The following CLSTN2 variants were observed in gnomAD, a reference collection of about 807,000 sequenced individuals.
CLSTN2 encodes calsyntenin 2.
In CLSTN2, 48 loss-of-function variants were observed where a neutral mutation model predicts 101.2. That is an observed-to-expected ratio of 0.47 (90% CI 0.38 to 0.60). The LOEUF is 0.60. CLSTN2 is among the 20% of genes least tolerant of loss of function. The pLI is 0.00. For synonymous variants in CLSTN2, 481 were observed against 463.6 expected (o/e 1.04, Z -0.48); for missense variants, 1,160 against 1,238.2 (o/e 0.94, Z 0.95).
chr3:140,518,060 A>G (rs568756093), intron 8 of CLSTN2, among the ~76,000 whole-genome samples: 3 of 152,212 alleles, frequency 2.0e-5, no homozygotes, highest in Admixed American at 1.3e-4. Flanking sequence ...TGTGTCACGC[A>G]GGTCACCAGA....
At chr3:140,114,101 C>G (rs571347793) in intron 1 of CLSTN2, among the ~76,000 whole-genome samples, 2 of 152,136 alleles carry the variant, frequency 1.3e-5, no homozygotes, top group African/African-American at 4.8e-5. Flanking sequence ...GCTCAGATTC[C>G]TTGCCTTGCC....
At chr3:140,490,058 G>A (rs1190900739) in intron 8 of CLSTN2, among the ~76,000 whole-genome samples, 1 of 210 alleles carries the variant, frequency 4.8e-3, no homozygotes, top group Admixed American at 0.042. Context: ...GTGTGTGTGT[G>A]TGTGTGTGTG....
At chr3:140,399,516 G>C (rs1268725257) in intron 2 of CLSTN2, among the ~76,000 whole-genome samples, 2 of 152,102 alleles carry the variant, frequency 1.3e-5, no homozygotes, top group African/African-American at 4.8e-5. Flanking sequence ...TTATTAGCTT[G>C]AATTTTACCT....
At chr3:140,298,115 A>AAAAT (rs2087021169) in intron 2 of CLSTN2, among the ~76,000 whole-genome samples, 1 of 152,226 alleles carries the variant, frequency 6.6e-6, no homozygotes, top group Non-Finnish European at 1.5e-5. Flanking sequence ...GGGATATTGT[A>AAAAT]AAATAAAAAA....
At chr3:140,272,792 T>C (rs2086755155) in intron 2 of CLSTN2, among the ~76,000 whole-genome samples, 1 of 152,140 alleles carries the variant, frequency 6.6e-6, no homozygotes, top group African/African-American at 2.4e-5. Context: ...CTATTTAAAC[T>C]TTAATATTCA....
At chr3:140,232,748 A>C (rs1386211465) in intron 2 of CLSTN2, among the ~76,000 whole-genome samples, 2 of 152,164 alleles carry the variant, frequency 1.3e-5, no homozygotes, top group Non-Finnish European at 2.9e-5. Flanking sequence ...ATATCCACCC[A>C]GTTACTCAGC....
chr3:140,178,464 C>A (rs2010357808), intron 2 of CLSTN2, among the ~76,000 whole-genome samples: 1 of 152,210 alleles, frequency 6.6e-6, no homozygotes, highest in East Asian at 1.9e-4. Context: ...ACCATAGTTT[C>A]CTTCTAAGCC....
Position 140,404,670 on chromosome 3 carries a change from G to C in CLSTN2, c.541G>C (p.Val181Leu), listed in dbSNP as rs972056662. ...CAAGATCTATGACAGCATTCTGCAG[G>C]TGGAGGCCATTGACGAGGACTGCTC... Reference protein sequence around the residue: ...EGKIYDSILQVEAIDEDCSPQ... With the variant: ...EGKIYDSILQLEAIDEDCSPQ... The change falls in exon 4 of 17, where the codon GTG becomes CTG. Residue 181 changes from valine (V) to leucine (L), a missense_variant. Transcript: ENST00000458420. 1.9e-6 allele frequency: 3 copies of C among 1,614,208 alleles called. No individual in the cohort carries two copies. The highest frequency in any genetic ancestry group is 2.5e-6 in the Non-Finnish European group (3 of 1,180,016).
At chr3:140,252,204 G>A (rs538631746) in intron 2 of CLSTN2, among the ~76,000 whole-genome samples, 20 of 152,290 alleles carry the variant, frequency 1.3e-4, no homozygotes, top group African/African-American at 4.6e-4. Context: ...AAAGTAAGGG[G>A]AGCAGTGAAG....
intron 2 of CLSTN2, among the ~76,000 whole-genome samples, chr3:140,378,700 C>A (rs4642081): frequency 0.48 from 72,944 of 151,994 alleles, 18,205 homozygotes; most frequent in East Asian, 0.89. Context: ...TCAGAAAGAG[C>A]ATGGGCACAG....
At position 140,403,641 on chromosome 3, in the gene CLSTN2, C is replaced by T. The variant is rs529034321; in HGVS notation, c.245C>T (p.Ala82Val). The T allele has an allele frequency of 1.2e-4, 188 of 1,609,314 alleles. 2 individuals carry two copies. In the South Asian group the frequency reaches 1.6e-3, roughly 14 times the overall value. ...CATCCTTCTGCAGGGGAAATCTGTG[C>T]GTTCAAGATCCATGGCCAGGAGCTG... ...APVPFAGEIC[A>V]FKIHGQELPF... Residue 82 changes from alanine (A) to valine (V), a missense_variant, in exon 3 of 17, where the codon GCG becomes GTG. Coordinates refer to ENST00000458420, the MANE Select transcript of CLSTN2 (RefSeq NM_022131.3).
At chr3:139,979,558 A>G (rs1297173718) in intron 1 of CLSTN2, among the ~76,000 whole-genome samples, 1 of 152,146 alleles carries the variant, frequency 6.6e-6, no homozygotes, top group Non-Finnish European at 1.5e-5. Flanking sequence ...AATTTAAAAA[A>G]TTAAGTCCAG....
intron 2 of CLSTN2, among the ~76,000 whole-genome samples, chr3:140,378,281 C>A (rs1262497225): frequency 6.6e-6 from 1 of 152,216 alleles, no homozygotes; most frequent in Non-Finnish European, 1.5e-5. Flanking sequence ...TCATTTAGCA[C>A]CTACTCTGGA....
At chr3:140,180,917 T>C (rs935724048) in intron 2 of CLSTN2, among the ~76,000 whole-genome samples, 3 of 152,218 alleles carry the variant, frequency 2.0e-5, no homozygotes, top group Non-Finnish European at 4.4e-5. Context: ...ATCTGCCTCC[T>C]TATCTTGGGA....
At chr3:140,049,619 G>C (rs2007951419) in intron 1 of CLSTN2, among the ~76,000 whole-genome samples, 1 of 152,084 alleles carries the variant, frequency 6.6e-6, no homozygotes, top group Non-Finnish European at 1.5e-5. Flanking sequence ...GCCTAAGCTG[G>C]GCCATGATCT....
chr3:140,231,684 T>G (rs529050253), intron 2 of CLSTN2, among the ~76,000 whole-genome samples: 1 of 152,200 alleles, frequency 6.6e-6, no homozygotes, highest in Admixed American at 6.5e-5. Flanking sequence ...CTAGATAAGA[T>G]TGGGAATCAA....
chr3:140,433,014 A>G (rs1020316723), intron 5 of CLSTN2, among the ~76,000 whole-genome samples: 1 of 152,230 alleles, frequency 6.6e-6, no homozygotes, highest in African/African-American at 2.4e-5. Flanking sequence ...CCACACAGCT[A>G]GTAATATTGA....
intron 1 of CLSTN2, among the ~76,000 whole-genome samples, chr3:140,100,416 C>G (rs1287157241): frequency 6.6e-6 from 1 of 152,176 alleles, no homozygotes; most frequent in Non-Finnish European, 1.5e-5. Flanking sequence ...GCTACCTTAT[C>G]TTCCACTTAT....
intron 1 of CLSTN2, among the ~76,000 whole-genome samples, chr3:139,977,128 A>G (rs1005052506): frequency 6.6e-6 from 1 of 152,174 alleles, no homozygotes; most frequent in Non-Finnish European, 1.5e-5. Context: ...AGGTGAGAAT[A>G]TGAGTCAGTG....
Sources: gnomAD v4.1 joint callset for allele counts (sites outside exome capture counted in the v4.1 genomes callset) on GRCh38, gnomAD v4.1.1 for gene constraint, MANE v1.5 for transcripts, NCBI Gene and HGNC (gene_info 2026-07-23, HGNC 2026-07-21) for gene names.